FAM227B: variants seen among roughly 807,000 people sequenced by gnomAD.
The protein encoded by FAM227B is protein FAM227B.
A neutral mutation model predicts 73.8 loss-of-function variants in FAM227B; 88 were observed. That is an observed-to-expected ratio of 1.19 (90% CI 1.00 to 1.42). The LOEUF (loss-of-function observed/expected upper bound fraction) is 1.42, where lower values mean the gene tolerates loss of function less well. Ranked by LOEUF, FAM227B falls within the 40% of genes most tolerant of loss-of-function variation. FAM227B has a pLI of 0.00. For missense variants in FAM227B, 632 were observed against 590.9 expected, an observed-to-expected ratio of 1.07 and a Z score of -0.72; for synonymous variants, 210 against 190.5, an observed-to-expected ratio of 1.10 and a Z score of -0.84.
At chr15:49,457,777 T>C (rs1261092079) in intron 11 of FAM227B, among the ~76,000 whole-genome samples, 1 of 151,930 alleles carries the variant, frequency 6.6e-6, no homozygotes, top group East Asian at 1.9e-4. Context: ...AAAGAATTGA[T>C]TAATACATTA....
chr15:49,511,805 T>C (rs2059018441), intron 10 of FAM227B, among the ~76,000 whole-genome samples: 1 of 152,190 alleles, frequency 6.6e-6, no homozygotes, highest in Non-Finnish European at 1.5e-5. Context: ...TGTGGTTGCA[T>C]AGCATTCCAT....
At chr15:49,535,449 G>A (rs950976195) in intron 10 of FAM227B, among the ~76,000 whole-genome samples, 12 of 151,836 alleles carry the variant, frequency 7.9e-5, no homozygotes, top group Middle Eastern at 3.4e-3. Context: ...CAACAATGAA[G>A]AGCCCAACAC....
At chr15:49,459,318 A>C (rs1210519866) in intron 11 of FAM227B, among the ~76,000 whole-genome samples, 1 of 152,210 alleles carries the variant, frequency 6.6e-6, no homozygotes, top group Non-Finnish European at 1.5e-5. Flanking sequence ...GGAGCAGCAC[A>C]CCATGTGATG....
chr15:49,598,087 G>A (rs965650429), intron 3 of FAM227B, among the ~76,000 whole-genome samples: 3 of 151,670 alleles, frequency 2.0e-5, no homozygotes, highest in African/African-American at 7.3e-5. Context: ...TATTCCAAAA[G>A]ACAGAGAAGG....
chr15:49,539,883 G>A (rs746999420), intron 10 of FAM227B, among the ~76,000 whole-genome samples: 2 of 152,172 alleles, frequency 1.3e-5, no homozygotes, highest in South Asian at 4.1e-4. Context: ...CTAGCTTGTC[G>A]TGAAAATGAC....
At chr15:49,411,169 C>A (rs1321778297) in intron 11 of FAM227B, among the ~76,000 whole-genome samples, 1 of 151,718 alleles carries the variant, frequency 6.6e-6, no homozygotes, top group Non-Finnish European at 1.5e-5. Context: ...CAAAAAATCC[C>A]CAAATCTTTG....
chr15:49,352,247 C>G (rs532047200), intron 13 of FAM227B, among the ~76,000 whole-genome samples: 27 of 152,246 alleles, frequency 1.8e-4, no homozygotes, highest in Admixed American at 1.6e-3. Context: ...TACCTTGTCT[C>G]GAAGTCACAA....
At chr15:49,540,474 G>T (rs557492100) in intron 10 of FAM227B, among the ~76,000 whole-genome samples, 2 of 152,216 alleles carry the variant, frequency 1.3e-5, no homozygotes, top group East Asian at 3.9e-4. Context: ...GACTATTTTT[G>T]TTCATGGGTA....
chr15:49,424,321 G>C, intron 11 of FAM227B: 1 of 1,613,488 alleles, frequency 6.2e-7, no homozygotes, highest in African/African-American at 1.3e-5. Flanking sequence ...TACTGACATG[G>C]ATCCTGCCAA....
intron 15 of FAM227B, chr15:49,328,888 T>C: frequency 5.4e-6 from 7 of 1,300,082 alleles, no homozygotes; most frequent in Non-Finnish European, 6.9e-6. Context: ...GGCCCTGAGC[T>C]ATCTCCATTA....
At chr15:49,339,193 T>G (rs1437032612) in intron 13 of FAM227B, among the ~76,000 whole-genome samples, 1 of 152,196 alleles carries the variant, frequency 6.6e-6, no homozygotes. Flanking sequence ...GTTGTGATTC[T>G]TTAGCAGAGA....
At chr15:49,551,351 T>C (rs1567558864) in intron 9 of FAM227B, among the ~76,000 whole-genome samples, 1 of 152,258 alleles carries the variant, frequency 6.6e-6, no homozygotes, top group Non-Finnish European at 1.5e-5. Flanking sequence ...TATTATTATG[T>C]AATAACCTTC....
intron 11 of FAM227B, among the ~76,000 whole-genome samples, chr15:49,489,806 T>TATATATATATATATTTTAG (rs2056758795): frequency 1.4e-4 from 5 of 36,658 alleles, no homozygotes; most frequent in Admixed American, 1.2e-3. Context: ...ATATATTTTA[T>TATATATATATATATTTTAG]ATATATATAT....
chr15:49,427,218 A>T (rs2050205539), intron 11 of FAM227B, among the ~76,000 whole-genome samples: 1 of 152,068 alleles, frequency 6.6e-6, no homozygotes, highest in Admixed American at 6.6e-5. Flanking sequence ...GGTTCAAAAA[A>T]TGCTCAGAAT....
At chr15:49,496,824 T>C (rs1258940708) in intron 11 of FAM227B, among the ~76,000 whole-genome samples, 1 of 152,192 alleles carries the variant, frequency 6.6e-6, no homozygotes, top group African/African-American at 2.4e-5. Context: ...GTCATATATA[T>C]GTATATGCAT....
At chr15:49,507,480 G>A (rs548115364) in intron 11 of FAM227B, among the ~76,000 whole-genome samples, 8 of 152,168 alleles carry the variant, frequency 5.3e-5, no homozygotes, top group African/African-American at 1.7e-4. Context: ...ACTAAGCCTA[G>A]ATTCTGATTT....
At chr15:49,555,012 G>C (rs943222242) in intron 9 of FAM227B, among the ~76,000 whole-genome samples, 33 of 152,340 alleles carry the variant, frequency 2.2e-4, no homozygotes, top group African/African-American at 7.9e-4. Flanking sequence ...ACAGCATACA[G>C]TTGGGTCTTC....
At chr15:49,605,078 G>A (rs1327092019) in intron 3 of FAM227B, among the ~76,000 whole-genome samples, 2 of 152,060 alleles carry the variant, frequency 1.3e-5, no homozygotes, top group African/African-American at 4.8e-5. Context: ...TTACTTTGGT[G>A]ATGTCATGTT....
intron 1 of FAM227B, among the ~76,000 whole-genome samples, chr15:49,615,921 T>A (rs542454197): frequency 6.6e-6 from 1 of 152,232 alleles, no homozygotes; most frequent in African/African-American, 2.4e-5. Flanking sequence ...AGATTTGGAA[T>A]TAAGGCTATT....
Sources: allele counts gnomAD v4.1 joint callset (sites outside exome capture counted in the v4.1 genomes callset), GRCh38; gene constraint gnomAD v4.1.1; transcripts MANE v1.5; gene names NCBI Gene and HGNC (gene_info 2026-07-23, HGNC 2026-07-21).